NRP1: variants seen among roughly 807,000 people sequenced by gnomAD.
NRP1 encodes the protein neuropilin 1.
NRP1 carries 35 observed loss-of-function variants against 106.7 expected under a neutral mutation model. The ratio of observed to expected loss-of-function variants is 0.33; its 90% CI spans 0.25 to 0.43. The LOEUF (loss-of-function observed/expected upper bound fraction) is 0.43, where lower values mean the gene tolerates loss of function less well. NRP1 is among the 20% of genes least tolerant of loss of function. NRP1 has a pLI of 1.00. For missense variants in NRP1, 1,024 were observed against 1,170.4 expected, an observed-to-expected ratio of 0.87 and a Z score of 1.83; for synonymous variants, 437 against 417.9, an observed-to-expected ratio of 1.05 and a Z score of -0.56.
chr10:33,210,309 T>C (rs952469511), intron 9 of NRP1, among the ~76,000 whole-genome samples: 2 of 152,112 alleles, frequency 1.3e-5, no homozygotes, highest in Non-Finnish European at 2.9e-5. Flanking sequence ...AATTAAGTTA[T>C]TGTCAGTAGG....
chr10:33,237,884 T>C (rs919556107), intron 6 of NRP1, among the ~76,000 whole-genome samples: 1 of 152,100 alleles, frequency 6.6e-6, no homozygotes, highest in Non-Finnish European at 1.5e-5. Context: ...TGGTATCTCA[T>C]GGCAAAATTC....
intron 2 of NRP1, among the ~76,000 whole-genome samples, chr10:33,316,035 C>T (rs1847008616): frequency 6.6e-6 from 1 of 152,154 alleles, no homozygotes; most frequent in Non-Finnish European, 1.5e-5. Context: ...GGCTCCCCTA[C>T]TTATTCTAGT....
At chr10:33,206,320 G>A in intron 10 of NRP1, 2 of 519,000 alleles carry the variant, frequency 3.9e-6, no homozygotes, top group Non-Finnish European at 7.7e-6. Context: ...CAAAGCCCTG[G>A]CACATGGACA....
intron 2 of NRP1, among the ~76,000 whole-genome samples, chr10:33,285,692 G>A (rs1380648682): frequency 1.3e-5 from 2 of 152,122 alleles, no homozygotes; most frequent in East Asian, 1.9e-4. Flanking sequence ...ACCAGCCATG[G>A]TGGTGCATGC....
chr10:33,232,187 C>G (rs969691574), intron 6 of NRP1, among the ~76,000 whole-genome samples: 2 of 152,142 alleles, frequency 1.3e-5, no homozygotes, highest in African/African-American at 4.8e-5. Flanking sequence ...CAGAGTACTT[C>G]TACACAATGC....
Position 33,180,225 on chromosome 10 carries a change from A to C in NRP1, c.2623T>G (p.Cys875Gly). ...SALGVLLGAV[C>G]GVVLYCACWH... is the part of the protein sequence containing the mutation. ...CAGGCACAGTACAGCACGACCCCAC[A>C]GACAGCCCCCAGGAGGACCCCCAGG... The change falls in exon 17 of 17, where the codon TGT becomes GGT. Residue 875 changes from cysteine to glycine, a missense_variant. Physicochemically the swap from Cys to Gly is radical, Grantham distance 159. Coordinates refer to ENST00000374867, the MANE Select transcript of NRP1 (RefSeq NM_003873.7). The C allele has an allele frequency of 6.2e-7, 1 of 1,614,120 alleles. No individual in the cohort carries two copies. The highest frequency in any genetic ancestry group is 2.2e-5 in the East Asian group (1 of 44,886).
Position 33,205,999 on chromosome 10 carries a change from C to G in NRP1, c.1759+1573G>C, listed in dbSNP as rs1397567902. 3.3e-5 allele frequency: 10 copies of G among 300,220 alleles called. No homozygotes were observed. In the Admixed American group the frequency reaches 3.7e-4, roughly 11 times the overall value. The allele number at this position is 300,220 out of a possible 1,614,324, so 18.6% of individuals were successfully genotyped here. ...CCTCCTAAAGTTAGTTTGGCCTATG[C>G]CCAGGAATGAACAAGGACAGCTTGG... On this transcript the variant is annotated intron_variant, in intron 10 of 16. Coordinates refer to ENST00000374867, the MANE Select transcript of NRP1 (RefSeq NM_003873.7).
At chr10:33,189,010 ACTT>A (rs1836225361) in intron 13 of NRP1, among the ~76,000 whole-genome samples, 1 of 149,830 alleles carries the variant, frequency 6.7e-6, no homozygotes, top group South Asian at 2.1e-4. Flanking sequence ...GCCTATCCAC[ACTT>A]CTTCACAAAG....
In NRP1 at chr10:33,296,338, C is replaced by T. The variant is rs190838196; in HGVS notation, c.249-25482G>A. On this transcript the variant is annotated intron_variant, in intron 2 of 16. Transcript: ENST00000374867. ...TAAGTTTGTTCTGGAGCCTTCTGGTCTCCTTTTCTTTTAGTTACTTTAAGT... is the reference window on the plus strand; with the variant it reads ...TAAGTTTGTTCTGGAGCCTTCTGGTTTCCTTTTCTTTTAGTTACTTTAAGT... Among the ~76,000 whole-genome samples, 335 of 152,284 alleles carry T rather than the reference C, an allele frequency of 2.2e-3. 1 individual carries two copies. The highest frequency in any genetic ancestry group is 4.1e-3 in the Admixed American group (63 of 15,288).
At chr10:33,328,743 C>T (rs1589006343) in intron 2 of NRP1, among the ~76,000 whole-genome samples, 1 of 152,150 alleles carries the variant, frequency 6.6e-6, no homozygotes, top group Non-Finnish European at 1.5e-5. Context: ...ATTTACACCA[C>T]AGAAATTGGC....
Position 33,213,552 on chromosome 10 carries a change from T to C in NRP1, c.1448A>G (p.Glu483Gly). The change falls in exon 9 of 17, where the codon GAG (glutamate) becomes GGG (glycine). Residue 483 changes from glutamate to glycine, a missense_variant. Around this residue, in one of 5 missense-constraint regions of NRP1, gnomAD observed 562 missense variants for 620.3 expected, o/e 0.91. Coordinates refer to ENST00000374867, the MANE Select transcript of NRP1 (RefSeq NM_003873.7). ...LPPAPHSYIN[E>G]WLQIDLGEEK... ...CTCCCCCAGGTCTATTTGGAGCCAC[T>C]CATTGATGTAGGAATGAGGTGCGGG... is the stretch of plus-strand genomic sequence containing the variant. 6.2e-7 allele frequency: 1 copy of C among 1,614,038 alleles called. No homozygotes were observed. Among genetic ancestry groups the C allele is most frequent in the Non-Finnish European group, 8.5e-7 (1 of 1,180,024 alleles).
intron 9 of NRP1, among the ~76,000 whole-genome samples, chr10:33,210,204 T>TTA (rs1554780311): frequency 7.2e-5 from 11 of 151,790 alleles, no homozygotes; most frequent in Non-Finnish European, 8.8e-5. Context: ...TTTTTTTTTT[T>TTA]ATCAAGAGTA....
At chr10:33,319,154 G>A (rs1403676547) in intron 2 of NRP1, among the ~76,000 whole-genome samples, 5 of 151,732 alleles carry the variant, frequency 3.3e-5, no homozygotes, top group East Asian at 2.0e-4. Flanking sequence ...ACAGGCGCCC[G>A]CCACCATGCC....
At chr10:33,324,650 T>A (rs1281980063) in intron 2 of NRP1, among the ~76,000 whole-genome samples, 1 of 152,100 alleles carries the variant, frequency 6.6e-6, no homozygotes, top group Non-Finnish European at 1.5e-5. Flanking sequence ...GGCTTCTTTT[T>A]TTTGAGACGG....
intron 8 of NRP1, among the ~76,000 whole-genome samples, chr10:33,216,204 C>T (rs1019254994): frequency 2.7e-5 from 4 of 148,188 alleles, no homozygotes; most frequent in African/African-American, 1.0e-4. Context: ...GTGGGGCGAT[C>T]TTGGCTCACT....
At chr10:33,298,381 C>T (rs938420355) in intron 2 of NRP1, among the ~76,000 whole-genome samples, 7 of 152,160 alleles carry the variant, frequency 4.6e-5, no homozygotes, top group African/African-American at 1.4e-4. Flanking sequence ...CTATTCTTCA[C>T]GGCCACTCTT....
chr10:33,316,743 A>G (rs1181536879), intron 2 of NRP1, among the ~76,000 whole-genome samples: 2 of 152,248 alleles, frequency 1.3e-5, no homozygotes, highest in Admixed American at 6.5e-5. Context: ...CCAATTATGT[A>G]TAAGATTGCA....
chr10:33,256,272 T>G (rs770835645), intron 5 of NRP1, 44 bp downstream of exon 5: 1 of 1,593,510 alleles, frequency 6.3e-7, no homozygotes, highest in Non-Finnish European at 8.6e-7. Context: ...AGGAATAACA[T>G]TGAGTATTTA....
intron 8 of NRP1, among the ~76,000 whole-genome samples, chr10:33,213,984 A>G (rs1269494532): frequency 2.0e-5 from 3 of 152,198 alleles, no homozygotes; most frequent in Non-Finnish European, 4.4e-5. Flanking sequence ...TCTAAGTTTA[A>G]CATTCATATT....
Sources: gnomAD v4.1 joint callset for allele counts (sites outside exome capture counted in the v4.1 genomes callset) on GRCh38, gnomAD v4.1.1 for gene constraint, gnomAD v4.1.1 regional missense constraint, MANE v1.5 for transcripts, NCBI Gene and HGNC (gene_info 2026-07-23, HGNC 2026-07-21) for gene names.